The following NUP155 variants were observed in gnomAD, a reference collection of about 807,000 sequenced individuals.
NUP155 encodes nuclear pore complex protein Nup155.
Under a neutral mutation model 180.4 loss-of-function variants are expected in NUP155, and 71 were observed. The ratio of observed to expected loss-of-function variants is 0.39; its 90% CI spans 0.33 to 0.48. The LOEUF (loss-of-function observed/expected upper bound fraction) is 0.48. NUP155 is among the 20% of genes least tolerant of loss of function. The pLI, the probability that NUP155 is intolerant of heterozygous loss-of-function variation, is 0.91. For synonymous variants in NUP155, 582 were observed against 559.5 expected, an observed-to-expected ratio of 1.04 and a Z score of -0.57; for missense variants, 1,553 against 1,648.9, an observed-to-expected ratio of 0.94 and a Z score of 1.01.
At chr5:37,325,820 T>C in intron 19 of NUP155, 81 bp downstream of exon 19, 1 of 792,720 alleles carries the variant, frequency 1.3e-6, no homozygotes, top group Admixed American at 2.0e-5. Context: ...TTGTGTAATA[T>C]CAGGAAATGT....
In NUP155 at chr5:37,363,947, A is replaced by G. The variant is rs754151251; in HGVS notation, c.333T>C (p.Pro111=). ...QCNCMMGVFP[P]ISRAWLTIDS... is the part of the protein sequence containing the mutation. Reference sequence around the variant, plus strand: ...CAATTGTGAGCCAAGCTCTGCTGATAGGAGGGAACACACCCATCATGCAAT... The same window carrying G: ...CAATTGTGAGCCAAGCTCTGCTGATGGGAGGGAACACACCCATCATGCAAT... Residue 111 remains proline, a synonymous_variant, in exon 3 of 35, where the codon CCT becomes CCC. Coordinates refer to ENST00000231498, the MANE Select transcript of NUP155 (RefSeq NM_153485.3). 1.2e-6 allele frequency: 2 copies of G among 1,613,886 alleles called. No homozygotes were observed. The highest frequency in any genetic ancestry group is 1.7e-5 in the Admixed American group (1 of 60,010).
chr5:37,346,753 T>A (rs569820063), intron 9 of NUP155, among the ~76,000 whole-genome samples: 1 of 152,284 alleles, frequency 6.6e-6, no homozygotes, highest in African/African-American at 2.4e-5. Flanking sequence ...ATGCAGATTG[T>A]CTGAAGACTT....
Position 37,291,825 on chromosome 5 carries a change from A to C in NUP155, c.*75T>G. On this transcript the variant is annotated 3_prime_UTR_variant, in exon 35 of 35. Coordinates refer to ENST00000231498, the MANE Select transcript of NUP155 (RefSeq NM_153485.3). ...AGATTGTTCTTACATTCTTAGATTT[A>C]GAACACCTGATATCTGGACCCAGCT... is the stretch of plus-strand genomic sequence containing the variant. 1 of 1,354,540 alleles carries C rather than the reference A, an allele frequency of 7.4e-7. No individual in the cohort carries two copies. The highest frequency in any genetic ancestry group is 1.1e-6 in the Non-Finnish European group (1 of 946,820). The allele number at this position is 1,354,540 out of a possible 1,614,324, so 83.9% of individuals were successfully genotyped here. A position where few individuals can be genotyped will look rare whatever the true frequency, so the allele number is the denominator to read the frequency against.
At chr5:37,345,545 A>C (rs576207497) in intron 9 of NUP155, among the ~76,000 whole-genome samples, 2 of 151,296 alleles carry the variant, frequency 1.3e-5, no homozygotes, top group Admixed American at 6.6e-5. Context: ...TGATGTCTAC[A>C]ATGTACTTTC....
At chr5:37,333,044 A>G (rs1745082932) in intron 13 of NUP155, among the ~76,000 whole-genome samples, 1 of 152,174 alleles carries the variant, frequency 6.6e-6, no homozygotes, top group African/African-American at 2.4e-5. Flanking sequence ...AAAAATCTCA[A>G]TAAACAAAGT....
chr5:37,354,298 C>A (rs1010373994), intron 4 of NUP155, among the ~76,000 whole-genome samples: 2 of 151,998 alleles, frequency 1.3e-5, no homozygotes, highest in Non-Finnish European at 1.5e-5. Flanking sequence ...AGGCATATGG[C>A]ACCATGCCCA....
At position 37,309,199 on chromosome 5, in the gene NUP155, T is replaced by C. The variant is rs973509171; in HGVS notation, c.2697A>G (p.Glu899=). 3 of 1,613,464 alleles carry C rather than the reference T, an allele frequency of 1.9e-6. No individual in the cohort carries two copies. The highest frequency in any genetic ancestry group is 1.1e-5 in the South Asian group (1 of 91,080). ...TAATTTTTTGATATTCCTTTAATGA[T>C]TCCCTTAACATTCTTTCTTTTTCAG... ...NKTEKERMLR[E]SLKEYQKISN... Residue 899 remains glutamate (E), a synonymous_variant, in exon 24 of 35, where the codon GAA becomes GAG. Coordinates refer to ENST00000231498, the MANE Select transcript of NUP155 (RefSeq NM_153485.3).
At chr5:37,357,465 T>G (rs1746915037) in intron 4 of NUP155, among the ~76,000 whole-genome samples, 1 of 151,348 alleles carries the variant, frequency 6.6e-6, no homozygotes, top group Non-Finnish European at 1.5e-5. Context: ...ACTAAAATTT[T>G]TCTTAACATT....
chr5:37,360,416 A>G (rs1310634071), intron 3 of NUP155, among the ~76,000 whole-genome samples: 2 of 151,094 alleles, frequency 1.3e-5, no homozygotes, highest in African/African-American at 4.9e-5. Context: ...ACCAGGGAGG[A>G]GAAGGTTGCA....
At chr5:37,299,981 T>C (rs1314232813) in intron 30 of NUP155, among the ~76,000 whole-genome samples, 1 of 149,944 alleles carries the variant, frequency 6.7e-6, no homozygotes, top group African/African-American at 2.5e-5. Flanking sequence ...ATCACGCCAT[T>C]GCACTCTAGC....
chr5:37,312,217 T>C (rs1743573378), intron 22 of NUP155, among the ~76,000 whole-genome samples: 1 of 152,228 alleles, frequency 6.6e-6, no homozygotes, highest in African/African-American at 2.4e-5. Flanking sequence ...CGAAACCTTT[T>C]GTATCTTCTA....
rs1176800538 is a variant in NUP155 at position 37,288,302 on chromosome 5, AG to A, written c.*3597del. 3 of 152,166 alleles carry A rather than the reference AG, an allele frequency of 2.0e-5. No individual in the cohort carries two copies. The highest frequency in any genetic ancestry group is 7.2e-5 in the African/African-American group (3 of 41,446). The allele number at this position is 152,166 out of a possible 1,614,324, so 9.4% of individuals were successfully genotyped here. On this transcript the variant is annotated 3_prime_UTR_variant, in exon 35 of 35. Coordinates refer to ENST00000231498, the MANE Select transcript of NUP155 (RefSeq NM_153485.3). ...ATAATTTTTCCGTCTCATGAATAGG[AG>A]GAAAAATGACAGGAATGGAGACTAC...
Position 37,319,867 on chromosome 5 carries a change from C to T in NUP155, c.2208-1782G>A, listed in dbSNP as rs937620228. Among the ~76,000 whole-genome samples the T allele has an allele frequency of 1.6e-4, 25 of 151,706 alleles. 1 individual carries two copies. The highest frequency in any genetic ancestry group is 5.8e-4 in the African/African-American group (24 of 41,282). ...GCCTGGGCAACAGAGTGAGACCAGT[C>T]TCAAAAAAGAAAACCAAAAAACACC... On this transcript the variant is annotated intron_variant, in intron 20 of 34. Transcript: ENST00000231498.
At chr5:37,302,965 A>C (rs915765181) in intron 28 of NUP155, 57 bp from the exon 29 acceptor site, 21 of 1,557,456 alleles carry the variant, frequency 1.3e-5, no homozygotes, top group Non-Finnish European at 1.8e-5. Flanking sequence ...TGATGATACA[A>C]ATACGTCAAT....
chr5:37,316,005 C>T (rs1285067607), intron 21 of NUP155, among the ~76,000 whole-genome samples: 1 of 152,056 alleles, frequency 6.6e-6, no homozygotes, highest in East Asian at 1.9e-4. Flanking sequence ...TATGGCAGTT[C>T]ATCAAAAAAA....
intron 22 of NUP155, among the ~76,000 whole-genome samples, chr5:37,312,370 T>TA (rs34968825): frequency 6.3e-4 from 91 of 144,598 alleles, no homozygotes; most frequent in East Asian, 3.4e-3. Context: ...CAAAGAGGAT[T>TA]AAAAAAAAAA....
In NUP155 at chr5:37,318,032, C is replaced by T; in HGVS notation, c.2261G>A (p.Gly754Glu). ...RLIGFMRPEN[G>E]NPQQMQQELQ... Reference sequence around the variant, plus strand: ...TTCCTGTTGCATTTGCTGGGGATTTCCGTTTTCAGGACGCATGAATCCTAT... The same window carrying T: ...TTCCTGTTGCATTTGCTGGGGATTTTCGTTTTCAGGACGCATGAATCCTAT... Residue 754 changes from glycine to glutamate, a missense_variant, in exon 21 of 35, where the codon GGA becomes GAA. By Grantham distance (98) the Gly-to-Glu change is moderately conservative. Transcript: ENST00000231498. The T allele has an allele frequency of 6.2e-7, 1 of 1,613,150 alleles. No individual in the cohort carries two copies.
chr5:37,310,591 G>A lies in NUP155; in HGVS notation c.2589C>T (p.Cys863=), dbSNP rs370435200. ...CATCATCAGTGCTATATAGAAGTGGGCAGATATCCTGTAAATGTAAACTAA... is the reference window on the plus strand; with the variant it reads ...CATCATCAGTGCTATATAGAAGTGGACAGATATCCTGTAAATGTAAACTAA... ...DGISLHLQDI[C]PLLYSTDDAI... is the part of the protein sequence containing the mutation. The change falls in exon 23 of 35, where the codon TGC becomes TGT. Residue 863 remains cysteine, a synonymous_variant. Coordinates refer to ENST00000231498, the MANE Select transcript of NUP155 (RefSeq NM_153485.3). 4 of 1,613,284 alleles carry A rather than the reference G, an allele frequency of 2.5e-6. No individual in the cohort carries two copies. Among genetic ancestry groups the A allele is most frequent in the Non-Finnish European group, 3.4e-6 (4 of 1,179,602 alleles).
chr5:37,361,096 C>G (rs1313723360), intron 3 of NUP155, among the ~76,000 whole-genome samples: 1 of 151,520 alleles, frequency 6.6e-6, no homozygotes, highest in Non-Finnish European at 1.5e-5. Flanking sequence ...TAGTGAAACC[C>G]CATCTCTAAT....
Sources: allele counts gnomAD v4.1 joint callset (sites outside exome capture counted in the v4.1 genomes callset), GRCh38; gene constraint gnomAD v4.1.1; transcripts MANE v1.5; gene names NCBI Gene and HGNC (gene_info 2026-07-23, HGNC 2026-07-21).